The following SCAI variants were observed in gnomAD, a reference collection of about 807,000 sequenced individuals.
SCAI encodes suppressor of cancer cell invasion.
A neutral mutation model predicts 92.2 loss-of-function variants in SCAI; 24 were observed. That is an observed-to-expected ratio of 0.26 (90% CI 0.19 to 0.37). SCAI has a LOEUF of 0.37. Among genes scored for constraint, SCAI ranks in the 10% least tolerant of loss-of-function variants. The pLI is 1.00. For missense variants in SCAI, 450 were observed against 736.2 expected, an observed-to-expected ratio of 0.61 and a Z score of 4.50; for synonymous variants, 261 against 258.6, an observed-to-expected ratio of 1.01 and a Z score of -0.09.
At chr9:125,112,419 A>G (rs938214496) in intron 2 of SCAI, among the ~76,000 whole-genome samples, 1 of 152,230 alleles carries the variant, frequency 6.6e-6, no homozygotes, top group African/African-American at 2.4e-5. Context: ...CAGGACTGAC[A>G]TTAACATAGT....
chr9:125,002,551 C>T (rs1281741874), intron 11 of SCAI, among the ~76,000 whole-genome samples: 2 of 144,764 alleles, frequency 1.4e-5, no homozygotes, highest in Non-Finnish European at 3.0e-5. Flanking sequence ...GGCGCGATCT[C>T]GGCTCACCGC....
chr9:125,057,727 C>G (rs1019149746), intron 2 of SCAI, among the ~76,000 whole-genome samples: 3 of 152,110 alleles, frequency 2.0e-5, no homozygotes, highest in Non-Finnish European at 4.4e-5. Context: ...AAAGTAGGAG[C>G]CTGAGCACCT....
chr9:125,084,636 G>T (rs1346440270), intron 2 of SCAI, among the ~76,000 whole-genome samples: 3 of 152,052 alleles, frequency 2.0e-5, no homozygotes, highest in Non-Finnish European at 4.4e-5. Flanking sequence ...TTTCTAATTT[G>T]CACAAAGGAA....
rs1025487534 is a variant in SCAI at position 124,951,542 on chromosome 9, G to C, written c.*1265C>G. 2.0e-5 allele frequency: 3 copies of C among 152,038 alleles called. No homozygotes were observed. Among genetic ancestry groups the C allele is most frequent in the African/African-American group, 7.2e-5 (3 of 41,386 alleles). 9.4% of individuals were successfully genotyped at this position (152,038 alleles called of 1,614,324 possible). A position where few individuals can be genotyped will look rare whatever the true frequency, so the allele number is the denominator to read the frequency against. On this transcript the variant is annotated 3_prime_UTR_variant, in exon 18 of 18. Transcript: ENST00000336505. ...ATAAATTTAGAGTATAATTTACCTA[G>C]GGCCATGGGAAAGAGATATCAAAAG... is the stretch of plus-strand genomic sequence containing the variant.
intron 3 of SCAI, among the ~76,000 whole-genome samples, chr9:125,047,427 A>ACTCAGT (rs1371939918): frequency 1.3e-5 from 2 of 152,198 alleles, no homozygotes; most frequent in Non-Finnish European, 2.9e-5. Context: ...TACTCAGTCT[A>ACTCAGT]TGGCACCTTG....
intron 2 of SCAI, among the ~76,000 whole-genome samples, chr9:125,111,154 A>C (rs1834921264): frequency 6.6e-6 from 1 of 152,198 alleles, no homozygotes. Flanking sequence ...TATGTTAAAA[A>C]AGGATCGTGA....
chr9:125,126,840 GTTA>G (rs1835290395), intron 2 of SCAI, among the ~76,000 whole-genome samples: 2 of 152,152 alleles, frequency 1.3e-5, no homozygotes, highest in African/African-American at 4.8e-5. Context: ...AGCCAGATAA[GTTA>G]TTAAGACATC....
intron 2 of SCAI, among the ~76,000 whole-genome samples, chr9:125,121,014 A>G (rs1236974590): frequency 6.6e-6 from 1 of 152,086 alleles, no homozygotes. Context: ...TTTTGACACC[A>G]CTTAGTCTAC....
intron 2 of SCAI, among the ~76,000 whole-genome samples, chr9:125,058,432 G>A (rs1281101499): frequency 6.6e-6 from 1 of 152,098 alleles, no homozygotes; most frequent in African/African-American, 2.4e-5. Context: ...GGAGAATCAC[G>A]TGAACCCGGG....
intron 3 of SCAI, among the ~76,000 whole-genome samples, chr9:125,032,874 C>T (rs896282210): frequency 6.6e-6 from 1 of 152,052 alleles, no homozygotes; most frequent in Non-Finnish European, 1.5e-5. Flanking sequence ...ACCTTGGCCT[C>T]CTAAAGTACT....
At chr9:124,981,026 G>C (rs1439146685) in intron 14 of SCAI, among the ~76,000 whole-genome samples, 1 of 152,042 alleles carries the variant, frequency 6.6e-6, no homozygotes, top group Non-Finnish European at 1.5e-5. Flanking sequence ...ACTCCCATAG[G>C]ATAATCTTAT....
intron 2 of SCAI, among the ~76,000 whole-genome samples, chr9:125,122,699 G>T (rs1404786896): frequency 1.3e-5 from 2 of 151,482 alleles, no homozygotes; most frequent in Non-Finnish European, 2.9e-5. Context: ...GAGCCCAGGA[G>T]TTCGAGACCA....
rs192810131 is a variant in SCAI at position 125,022,719 on chromosome 9, C to T, written c.513-1950G>A. 1.1e-3 allele frequency among the ~76,000 whole-genome samples: 164 copies of T among 152,206 alleles called. 1 individual carries two copies. The highest frequency in any genetic ancestry group is 3.9e-4 in the East Asian group (2 of 5,190). On this transcript the variant is annotated intron_variant, in intron 6 of 17. Coordinates refer to ENST00000336505, the MANE Select transcript of SCAI (RefSeq NM_001144877.3). ...AGGTGTGAGTCACCGCTCTTGGCCT[C>T]GAAGAGTCTCTTAAAAACAGTATAT...
Position 124,968,156 on chromosome 9 carries a change from C to T in SCAI, c.1674+3214G>A, listed in dbSNP as rs189686406. On this transcript the variant is annotated intron_variant, in intron 17 of 17. Transcript: ENST00000336505. ...CTTGTGGGCAAGGTAGGAGGCAACA[C>T]GTTCTTTCCACAGAGCTGTTCCTCA... 22 of 552,678 alleles carry T rather than the reference C, an allele frequency of 4.0e-5. 1 individual carries two copies. The highest frequency in any genetic ancestry group is 2.8e-4 in the East Asian group (8 of 28,980). The allele number at this position is 552,678 out of a possible 1,614,324, so 34.2% of individuals were successfully genotyped here.
chr9:125,033,449 T>C (rs1311141572), intron 3 of SCAI, among the ~76,000 whole-genome samples: 3 of 151,768 alleles, frequency 2.0e-5, no homozygotes, highest in Non-Finnish European at 4.4e-5. Flanking sequence ...TGGGAACTAG[T>C]AGAAAATAAG....
chr9:125,115,370 CAAAAAAAAAA>C (rs58814200), intron 2 of SCAI, among the ~76,000 whole-genome samples: 4 of 52,424 alleles, frequency 7.6e-5, no homozygotes, highest in African/African-American at 3.0e-4. Context: ...AGACTCTCCT[CAAAAAAAAAA>C]AAAAAAAAAA....
chr9:125,072,259 T>C (rs1813838461), intron 2 of SCAI, among the ~76,000 whole-genome samples: 1 of 152,182 alleles, frequency 6.6e-6, no homozygotes, highest in Admixed American at 6.5e-5. Context: ...CCTGACCTCA[T>C]GATCCGCCCA....
At chr9:125,006,410 T>G (rs1039972187) in intron 9 of SCAI, among the ~76,000 whole-genome samples, 9 of 152,260 alleles carry the variant, frequency 5.9e-5, no homozygotes, top group African/African-American at 2.2e-4. Flanking sequence ...TAGTTTCATA[T>G]GCTTAAATAG....
rs747524594 is a variant in SCAI at position 125,027,656 on chromosome 9, G to GC, written c.413+735_413+736insG. Among the ~76,000 whole-genome samples, 714 of 152,198 alleles carry GC rather than the reference G, an allele frequency of 4.7e-3. 3 individuals are homozygous for GC. The highest frequency in any genetic ancestry group is 6.5e-3 in the Non-Finnish European group (445 of 68,000). ...CTCCCTCAGCCTCCCAAGTAGCTGGGATTACAGGCACCTGCCACCACACTT... is the reference window on the plus strand; with the variant it reads ...CTCCCTCAGCCTCCCAAGTAGCTGGGCATTACAGGCACCTGCCACCACACTT... On this transcript the variant is annotated intron_variant, in intron 5 of 17. Coordinates refer to ENST00000336505, the MANE Select transcript of SCAI (RefSeq NM_001144877.3).
Sources: gnomAD v4.1 joint callset for allele counts (sites outside exome capture counted in the v4.1 genomes callset) on GRCh38, gnomAD v4.1.1 for gene constraint, MANE v1.5 for transcripts, NCBI Gene and HGNC (gene_info 2026-07-23, HGNC 2026-07-21) for gene names.